Variants in MACROD1 observed in about 807,000 individuals in gnomAD.
MACROD1 encodes the protein mono-ADP ribosylhydrolase 1.
In MACROD1, 31 loss-of-function variants were observed where a neutral mutation model predicts 41.4. The ratio of observed to expected loss-of-function variants is 0.75; its 90% CI spans 0.56 to 1.01. The LOEUF (loss-of-function observed/expected upper bound fraction) is 1.01, where lower values mean the gene tolerates loss of function less well. MACROD1 is among the 50% of genes least tolerant of loss of function. The pLI, the probability that MACROD1 is intolerant of heterozygous loss-of-function variation, is 0.00. For missense variants in MACROD1, 473 were observed against 460.0 expected (o/e 1.03, Z -0.26); for synonymous variants, 252 against 203.4 (o/e 1.24, Z -2.03).
rs530705573 is a variant in MACROD1, at chr11:64,163,367, T to A, written c.298+2330A>T. Among the ~76,000 whole-genome samples the A allele has an allele frequency of 5.1e-4, 77 of 152,270 alleles. 1 individual carries two copies. Among genetic ancestry groups the A allele is most frequent in the African/African-American group, 1.7e-3 (69 of 41,544 alleles). ...CTTTGAGATTCTTTCTTTCAAGAGG[T>A]AGAGCCTAATTTCCCTCTCCTGGAG... is the stretch of plus-strand genomic sequence containing the variant. On this transcript the variant is annotated intron_variant, in intron 1 of 10. Transcript: ENST00000255681.
intron 3 of MACROD1, among the ~76,000 whole-genome samples, chr11:64,131,682 C>A (rs1945268295): frequency 6.6e-6 from 1 of 152,138 alleles, no homozygotes; most frequent in Non-Finnish European, 1.5e-5. Context: ...GCAGAGACTA[C>A]CCTGTTTCAG....
At chr11:64,055,485 C>T (rs538639229) in intron 3 of MACROD1, among the ~76,000 whole-genome samples, 147 of 152,282 alleles carry the variant, frequency 9.7e-4, no homozygotes, top group African/African-American at 3.2e-3. Context: ...TGTCCCCATC[C>T]TAAGTGGCTC....
intron 1 of MACROD1, among the ~76,000 whole-genome samples, chr11:64,158,141 C>T (rs1182894028): frequency 6.6e-6 from 1 of 152,210 alleles, no homozygotes; most frequent in Non-Finnish European, 1.5e-5. Flanking sequence ...CCCACGGGGG[C>T]TGAAATTAGC....
At chr11:64,085,566 G>T (rs953090995) in intron 3 of MACROD1, among the ~76,000 whole-genome samples, 1 of 152,158 alleles carries the variant, frequency 6.6e-6, no homozygotes, top group African/African-American at 2.4e-5. Flanking sequence ...GTCCCCTGCC[G>T]CCCGCCCGGG....
intron 3 of MACROD1, among the ~76,000 whole-genome samples, chr11:64,087,598 AGCCTGCAAGGCTG>A (rs1221517508): frequency 1.3e-5 from 2 of 152,218 alleles, no homozygotes; most frequent in African/African-American, 4.8e-5. Flanking sequence ...CACTCGCTGC[AGCCTGCAAGGCTG>A]GCCTTGCCCG....
At chr11:64,164,343 G>C (rs1421523788) in intron 1 of MACROD1, among the ~76,000 whole-genome samples, 1 of 152,272 alleles carries the variant, frequency 6.6e-6, no homozygotes, top group Non-Finnish European at 1.5e-5. Flanking sequence ...GAGTGGGGCT[G>C]TGGGGGCTGG....
chr11:64,008,590 G>A (rs761212245), intron 4 of MACROD1, among the ~76,000 whole-genome samples: 9 of 152,116 alleles, frequency 5.9e-5, no homozygotes, highest in African/African-American at 2.2e-4. Context: ...GCAAAGGCCC[G>A]GTGCTAGGGG....
intron 3 of MACROD1, among the ~76,000 whole-genome samples, chr11:64,057,948 G>T (rs895384936): frequency 6.6e-6 from 1 of 152,174 alleles, no homozygotes; most frequent in African/African-American, 2.4e-5. Context: ...CCACCCCTGG[G>T]CTCCCAAGAC....
intron 3 of MACROD1, among the ~76,000 whole-genome samples, chr11:64,048,098 G>A (rs542958415): frequency 1.5e-3 from 223 of 152,270 alleles, no homozygotes; most frequent in Admixed American, 4.3e-3. Flanking sequence ...TGCCCTGGCC[G>A]GCGGGAGGCA....
intron 3 of MACROD1, among the ~76,000 whole-genome samples, chr11:64,024,242 C>T (rs1017741920): frequency 6.6e-6 from 1 of 152,236 alleles, no homozygotes; most frequent in African/African-American, 2.4e-5. Flanking sequence ...ACCTTCCAGA[C>T]TTTAAAACGA....
rs1179308341 is a variant in MACROD1, at chr11:64,156,451, ACCCCAGAGG to A, written c.299-4067_299-4059del. 6.6e-5 allele frequency among the ~76,000 whole-genome samples: 10 copies of A among 152,048 alleles called. 1 individual carries two copies. Among genetic ancestry groups the A allele is most frequent in the Admixed American group, 6.5e-4 (10 of 15,270 alleles). On this transcript the variant is annotated intron_variant, in intron 1 of 10. Transcript: ENST00000255681. ...GACTGGTGGGCTGGGACCCGGACGG[ACCCCAGAGG>A]CCTTGCTGAAGTGTCTCTGGCTGGG...
intron 3 of MACROD1, among the ~76,000 whole-genome samples, chr11:64,109,068 C>A (rs754820624): frequency 6.6e-6 from 1 of 152,140 alleles, no homozygotes; most frequent in Non-Finnish European, 1.5e-5. Flanking sequence ...TTCCTCTCCC[C>A]GCCTGGCCCT....
chr11:64,002,807 G>A (rs1310642452), intron 4 of MACROD1, among the ~76,000 whole-genome samples: 1 of 152,144 alleles, frequency 6.6e-6, no homozygotes, highest in African/African-American at 2.4e-5. Context: ...AAGCTTCCTG[G>A]GGTCCCATTC....
At chr11:64,006,705 C>A (rs1270572658) in intron 4 of MACROD1, among the ~76,000 whole-genome samples, 1 of 152,176 alleles carries the variant, frequency 6.6e-6, no homozygotes, top group East Asian at 1.9e-4. Context: ...AAGTTGTGGC[C>A]ACGGGACAGG....
At chr11:64,032,771 C>G (rs1027997243) in intron 3 of MACROD1, among the ~76,000 whole-genome samples, 9 of 152,286 alleles carry the variant, frequency 5.9e-5, no homozygotes, top group African/African-American at 2.2e-4. Context: ...GGTTTGTTGA[C>G]TGAACAGTGA....
intron 1 of MACROD1, among the ~76,000 whole-genome samples, chr11:64,154,127 T>G (rs1945628321): frequency 6.6e-6 from 1 of 152,172 alleles, no homozygotes; most frequent in African/African-American, 2.4e-5. Flanking sequence ...TTCTAATCAG[T>G]TGCACAGATT....
chr11:64,161,031 C>T lies in MACROD1; in HGVS notation c.298+4666G>A, dbSNP rs191114546. Among the ~76,000 whole-genome samples, 150 of 151,970 alleles carry T rather than the reference C, an allele frequency of 9.9e-4. 1 individual carries two copies. The highest frequency in any genetic ancestry group is 3.2e-3 in the African/African-American group (134 of 41,468). On this transcript the variant is annotated intron_variant, in intron 1 of 10. Transcript: ENST00000255681. ...TACTAAAATACAAAAATTAGCCAGG[C>T]GTGGTGGCGGGTGCCTGTAATCCCA...
chr11:64,086,427 T>G (rs1483548697), intron 3 of MACROD1, among the ~76,000 whole-genome samples: 1 of 151,804 alleles, frequency 6.6e-6, no homozygotes, highest in East Asian at 1.9e-4. Flanking sequence ...ACCCCCAGCT[T>G]TCTACTCTCC....
chr11:64,038,406 G>A (rs976216128), intron 3 of MACROD1, among the ~76,000 whole-genome samples: 4 of 152,216 alleles, frequency 2.6e-5, no homozygotes, highest in Non-Finnish European at 5.9e-5. Flanking sequence ...GTGCACACAT[G>A]AGCAGGTGGC....
Sources: gnomAD v4.1 joint callset for allele counts (sites outside exome capture counted in the v4.1 genomes callset) on GRCh38, gnomAD v4.1.1 for gene constraint, MANE v1.5 for transcripts, NCBI Gene and HGNC (gene_info 2026-07-23, HGNC 2026-07-21) for gene names.